The following CMPK2 variants were observed in gnomAD, a reference collection of about 807,000 sequenced individuals.
CMPK2 encodes the protein cytidine/uridine monophosphate kinase 2.
CMPK2 carries 32 observed loss-of-function variants against 33.4 expected under a neutral mutation model. The ratio of observed to expected loss-of-function variants is 0.96; its 90% CI spans 0.72 to 1.29. The LOEUF is 1.29. Among genes scored for constraint, CMPK2 ranks in the 50% most tolerant of loss-of-function variants. The probability of loss-of-function intolerance (pLI) is 0.00; values close to 1 mark genes in which losing one functional copy is unlikely to be tolerated. For missense variants in CMPK2, 672 were observed against 616.0 expected (o/e 1.09, Z -0.96); for synonymous variants, 299 against 275.3 (o/e 1.09, Z -0.85).
upstream of CMPK2, chr2:6,866,380 G>C: frequency 1.1e-6 from 1 of 928,020 alleles, no homozygotes; most frequent in Non-Finnish European, 1.3e-6. Flanking sequence ...TATCTCACCT[G>C]TGCACTCACT....
In CMPK2 at chr2:6,861,236, C is replaced by A. The variant is rs1662871626; in HGVS notation, c.940G>T (p.Val314Leu). ...RAFYSLGNYI[V>L]ASEIAKESAK... ...GATTCTTTAGCTATTTCGGAGGCCA[C>A]AATATAATTGCCCAAAGAGTAAAAA... The change falls in exon 3 of 5, where the codon GTG becomes TTG. Residue 314 changes from valine to leucine, a missense_variant. By Grantham distance (32) the Val-to-Leu change is conservative. Coordinates refer to ENST00000256722, the MANE Select transcript of CMPK2 (RefSeq NM_207315.4). 1 of 1,614,024 alleles carries A rather than the reference C, an allele frequency of 6.2e-7. No homozygotes were observed. Among genetic ancestry groups the A allele is most frequent in the Non-Finnish European group, 8.5e-7 (1 of 1,180,004 alleles).
intron 3 of CMPK2, among the ~76,000 whole-genome samples, chr2:6,853,788 G>A (rs569146029): frequency 3.3e-5 from 5 of 152,198 alleles, no homozygotes; most frequent in East Asian, 1.9e-4. Context: ...TGTAGTCCCA[G>A]CTACTCGGGA....
intron 4 of CMPK2, 100 bp downstream of exon 4, chr2:6,851,350 G>C: frequency 6.5e-7 from 1 of 1,549,122 alleles, no homozygotes; most frequent in Non-Finnish European, 8.7e-7. Flanking sequence ...TTGAAAACTG[G>C]AAACAATATC....
rs903136844 is a variant in CMPK2, at chr2:6,849,087, A to G, written c.*763T>C. 77 of 984,434 alleles carry G rather than the reference A, an allele frequency of 7.8e-5. No individual in the cohort carries two copies. The highest frequency in any genetic ancestry group is 9.0e-5 in the Non-Finnish European group (75 of 828,964). The allele number at this position is 984,434 out of a possible 1,614,324, so 61.0% of individuals were successfully genotyped here. A position where few individuals can be genotyped will look rare whatever the true frequency, so the allele number is the denominator to read the frequency against. The stretch of plus-strand genomic sequence containing the variant: ...GCATCCAGTTCAATGGAAAATGTGC[A>G]TTCTATTCAGAGCCATACTTTAGAA... On this transcript the variant is annotated 3_prime_UTR_variant, in exon 5 of 5. Coordinates refer to ENST00000256722, the MANE Select transcript of CMPK2 (RefSeq NM_207315.4).
At chr2:6,857,860 C>T (rs776832141) in intron 3 of CMPK2, among the ~76,000 whole-genome samples, 4 of 152,042 alleles carry the variant, frequency 2.6e-5, no homozygotes, top group Admixed American at 6.5e-5. Flanking sequence ...TGGTCTCGAT[C>T]TCCTGACCTC....
At chr2:6,859,682 T>G (rs549243784) in intron 3 of CMPK2, among the ~76,000 whole-genome samples, 1 of 152,152 alleles carries the variant, frequency 6.6e-6, no homozygotes, top group African/African-American at 2.4e-5. Flanking sequence ...AGAGGATGTA[T>G]GGAAATGCCT....
intron 3 of CMPK2, among the ~76,000 whole-genome samples, chr2:6,859,818 G>A (rs573562433): frequency 7.2e-5 from 11 of 152,328 alleles, no homozygotes; most frequent in Admixed American, 2.6e-4. Flanking sequence ...ACTACCTAGC[G>A]GAGCTGTTTG....
At position 6,861,391 on chromosome 2, in the gene CMPK2, G is replaced by A; in HGVS notation, c.791-6C>T. 3.7e-6 allele frequency: 6 copies of A among 1,611,874 alleles called. No individual in the cohort carries two copies. The highest frequency in any genetic ancestry group is 4.2e-6 in the Non-Finnish European group (5 of 1,178,250). On this transcript the variant is annotated splice_polypyrimidine_tract_variant and splice_region_variant and intron_variant, in intron 2 of 4. Transcript: ENST00000256722. ...CTGGGTCACCGTGGTTTTACCTGCA[G>A]GTCATACACAAAATATATACATCTT... is the stretch of plus-strand genomic sequence containing the variant.
intron 3 of CMPK2, among the ~76,000 whole-genome samples, chr2:6,858,960 T>C (rs950910691): frequency 6.6e-6 from 1 of 152,252 alleles, no homozygotes; most frequent in South Asian, 2.1e-4. Flanking sequence ...ATTTGTTCAA[T>C]GGCTTTGACC....
rs549899022 is a variant in CMPK2 at position 6,840,858 on chromosome 2, T to C, written c.993-180A>G. On this transcript the variant is annotated intron_variant, in intron 3 of 3. Coordinates refer to the CMPK2 transcript ENST00000458098. ...AGTTCTCTGATGTAATATAAAATCA[T>C]TGGTAAGGAAAGGCCGTCCATATAC... is the stretch of plus-strand genomic sequence containing the variant. Among the ~76,000 whole-genome samples the C allele has an allele frequency of 2.6e-5, 4 of 152,190 alleles. No individual in the cohort carries two copies. The South Asian group carries it at 8.3e-4, about 32-fold the overall frequency.
chr2:6,863,346 A>G, intron 2 of CMPK2, 118 bp downstream of exon 2: 1 of 787,556 alleles, frequency 1.3e-6, no homozygotes, highest in Non-Finnish European at 2.1e-6. Flanking sequence ...AGGGCCTGCC[A>G]CACAGTAGGG....
chr2:6,862,607 A>G (rs529826954), intron 2 of CMPK2, among the ~76,000 whole-genome samples: 2 of 152,348 alleles, frequency 1.3e-5, no homozygotes, highest in East Asian at 3.9e-4. Context: ...CAGCTGAAAG[A>G]AACTGTGATG....
At chr2:6,863,762 T>C (rs1340952171) in intron 1 of CMPK2, among the ~76,000 whole-genome samples, 184 bp from the exon 2 acceptor site, 1 of 152,224 alleles carries the variant, frequency 6.6e-6, no homozygotes, top group East Asian at 1.9e-4. Flanking sequence ...TATTTTATAT[T>C]GAGCAGCCGA....
intron 3 of CMPK2, among the ~76,000 whole-genome samples, chr2:6,860,282 A>G (rs1662832668): frequency 6.6e-6 from 1 of 152,116 alleles, no homozygotes; most frequent in Non-Finnish European, 1.5e-5. Context: ...TGCTGAAATG[A>G]GTTAAGAGTT....
Position 6,861,213 on chromosome 2 carries a change from T to C in CMPK2, c.963A>G (p.Glu321=). 6.2e-7 allele frequency: 1 copy of C among 1,614,106 alleles called. No homozygotes were observed. Among genetic ancestry groups the C allele is most frequent in the Non-Finnish European group, 8.5e-7 (1 of 1,180,004 alleles). Residue 321 remains glutamate, a synonymous_variant, in exon 3 of 5, where the codon GAA becomes GAG. Transcript: ENST00000256722. ...CTACAATCACAGGAGATTTGGCAGA[T>C]TCTTTAGCTATTTCGGAGGCCACAA... ...NYIVASEIAK[E]SAKSPVIVDR... is the part of the protein sequence containing the mutation.
At chr2:6,865,948 C>T, upstream of CMPK2, 1 of 1,307,474 alleles carries the variant, frequency 7.6e-7, no homozygotes, top group Non-Finnish European at 1.0e-6. Context: ...ACGCTTGGCC[C>T]CGGGGCCCCA....
intron 1 of CMPK2, 119 bp from the exon 2 acceptor site, chr2:6,863,697 G>T: frequency 3.1e-6 from 2 of 654,506 alleles, no homozygotes; most frequent in East Asian, 2.7e-5. Flanking sequence ...ACTGAGCACT[G>T]TGCCAGGCCA....
In CMPK2 at chr2:6,861,277, G is replaced by A; in HGVS notation, c.899C>T (p.Thr300Ile). The A allele has an allele frequency of 1.2e-6, 2 of 1,613,958 alleles. No individual in the cohort carries two copies. The highest frequency in any genetic ancestry group is 1.7e-6 in the Non-Finnish European group (2 of 1,179,846). The change falls in exon 3 of 5, where the codon ACT (threonine) becomes ATT (isoleucine). Residue 300 changes from threonine to isoleucine, a missense_variant. Physicochemically the swap from Thr to Ile is moderately conservative, Grantham distance 89. Transcript: ENST00000256722. ...AGAGTAAAAAGCTCTTCTAATGATA[G>A]TTGGTTCATCATCAAAGATCTTCCT... ...QWRKIFDDEP[T>I]IIRRAFYSLG...
chr2:6,861,133 C>G (rs931500026), intron 3 of CMPK2, 51 bp downstream of exon 3: 2 of 946,118 alleles, frequency 2.1e-6, no homozygotes, highest in Non-Finnish European at 3.3e-6. Context: ...CACACCCACA[C>G]ACTTATATAT....
Sources: allele counts gnomAD v4.1 joint callset (sites outside exome capture counted in the v4.1 genomes callset), GRCh38; gene constraint gnomAD v4.1.1; transcripts MANE v1.5; gene names NCBI Gene and HGNC (gene_info 2026-07-23, HGNC 2026-07-21).